HERC1: variants seen among roughly 807,000 people sequenced by gnomAD.
The protein encoded by HERC1 is HECT and RLD domain containing E3 ubiquitin protein ligase family member 1.
Under a neutral mutation model 554.3 loss-of-function variants are expected in HERC1, and 160 were observed. That is an observed-to-expected ratio of 0.29 (90% CI 0.25 to 0.33). The LOEUF is 0.33. Ranked by LOEUF, HERC1 falls within the 10% of genes least tolerant of loss-of-function variation. HERC1 has a pLI of 1.00. For synonymous variants in HERC1, 2,175 were observed against 2,131.7 expected (o/e 1.02, Z -0.56); for missense variants, 4,919 against 5,918.5 (o/e 0.83, Z 5.54).
intron 1 of HERC1, among the ~76,000 whole-genome samples, chr15:63,796,724 A>G (rs75781755): frequency 0.012 from 1,890 of 152,350 alleles, 36 homozygotes; most frequent in African/African-American, 0.044. Context: ...AACTTGAAGC[A>G]GAAGCTTTCA....
intron 1 of HERC1, among the ~76,000 whole-genome samples, chr15:63,776,873 T>C (rs188428800): frequency 2.1e-4 from 32 of 152,276 alleles, no homozygotes; most frequent in Admixed American, 1.2e-3. Context: ...GCATGTAAAT[T>C]TTGCCTCAAC....
Position 63,729,232 on chromosome 15 carries a change from T to C in HERC1, c.3154+4A>G. 1 of 1,593,202 alleles carries C rather than the reference T, an allele frequency of 6.3e-7. No individual in the cohort carries two copies. Among genetic ancestry groups the C allele is most frequent in the Non-Finnish European group, 8.5e-7 (1 of 1,173,710 alleles). On this transcript the variant is annotated splice_donor_region_variant and intron_variant, in intron 16 of 77. Transcript: ENST00000443617. The stretch of plus-strand genomic sequence containing the variant: ...TTAAATTTGAAATGAAATACCAAAC[T>C]CACCTCTTAATTTTTCTCCAACACT...
chr15:63,784,314 G>A (rs1016725613), intron 1 of HERC1, among the ~76,000 whole-genome samples: 4 of 151,932 alleles, frequency 2.6e-5, no homozygotes, highest in Admixed American at 2.6e-4. Context: ...AGAAAGTAGT[G>A]AAACCAAAAA....
intron 1 of HERC1, among the ~76,000 whole-genome samples, chr15:63,784,863 G>T (rs969869710): frequency 6.6e-6 from 1 of 152,080 alleles, no homozygotes; most frequent in South Asian, 2.1e-4. Context: ...AGCCCACCTC[G>T]GCCTCCCAAA....
At position 63,680,771 on chromosome 15, in the gene HERC1, A is replaced by G. The variant is rs1366817119; in HGVS notation, c.6231T>C (p.Tyr2077=). Residue 2077 remains tyrosine, a synonymous_variant, in exon 35 of 78, where the codon TAT becomes TAC. Coordinates refer to ENST00000443617, the MANE Select transcript of HERC1 (RefSeq NM_003922.4). This position sits in a 1 kb window ranked among gnomAD's most constrained non-coding sequence, Gnocchi z 5.8. ...VTSGCYQWKF[Y]IVKENRGNEG... ...CATTACCTCTGTTTTCCTTCACAAT[A>G]TAAAACTAAAATAAAAGTGGGATAT... The G allele has an allele frequency of 8.7e-6, 14 of 1,608,906 alleles. No individual in the cohort carries two copies. The Admixed American group carries it at 2.3e-4, about 27-fold the overall frequency.
At chr15:63,621,870 T>C (rs1256671892) in intron 74 of HERC1, among the ~76,000 whole-genome samples, 1 of 152,136 alleles carries the variant, frequency 6.6e-6, no homozygotes, top group Non-Finnish European at 1.5e-5. Flanking sequence ...TCTGCATTGG[T>C]TATTCTAGTT....
intron 38 of HERC1, among the ~76,000 whole-genome samples, chr15:63,673,249 TAAACA>T (rs1316303137): frequency 9.1e-6 from 1 of 110,422 alleles, no homozygotes; most frequent in African/African-American, 3.5e-5. Context: ...ATCCTACAAA[TAAACA>T]TAACTAAAAT....
chr15:63,687,059 C>A (rs997104402), intron 33 of HERC1, among the ~76,000 whole-genome samples: 24 of 152,154 alleles, frequency 1.6e-4, no homozygotes, highest in African/African-American at 5.8e-4. Flanking sequence ...GAAATCAAAT[C>A]ATGGAAAACC....
Position 63,634,891 on chromosome 15 carries a change from A to G in HERC1, c.12415-3T>C, listed in dbSNP as rs768916264. ...GAGTGCTTGAAGCCACAAGACATCT[A>G]AGACAGAACCAAGGAGAAAGAAAAT... On this transcript the variant is annotated splice_polypyrimidine_tract_variant and splice_region_variant and intron_variant, in intron 65 of 77. Coordinates refer to ENST00000443617, the MANE Select transcript of HERC1 (RefSeq NM_003922.4). The G allele has an allele frequency of 1.3e-6, 2 of 1,592,644 alleles. No homozygotes were observed. Among genetic ancestry groups the G allele is most frequent in the Non-Finnish European group, 1.7e-6 (2 of 1,173,624 alleles).
At chr15:63,687,571 AATTC>A (rs899346810) in intron 33 of HERC1, among the ~76,000 whole-genome samples, 1 of 151,966 alleles carries the variant, frequency 6.6e-6, no homozygotes, top group Non-Finnish European at 1.5e-5. Context: ...TGAGGGCCTG[AATTC>A]ATTCATTCAA....
chr15:63,656,450 A>T (rs2070041787), intron 48 of HERC1, 92 bp from the exon 49 acceptor site: 2 of 1,117,724 alleles, frequency 1.8e-6, no homozygotes, highest in Middle Eastern at 2.1e-4. Flanking sequence ...CAGCATCAAC[A>T]ACCATAATAA....
chr15:63,771,664 C>T (rs1487700153), intron 2 of HERC1, among the ~76,000 whole-genome samples: 1 of 151,984 alleles, frequency 6.6e-6, no homozygotes. Context: ...AACTCCTGAC[C>T]TCAGGTGATC....
At position 63,699,051 on chromosome 15, in the gene HERC1, C is replaced by T. The variant is rs2072580179; in HGVS notation, c.4637-55G>A. 2.0e-6 allele frequency: 3 copies of T among 1,477,294 alleles called. No individual in the cohort carries two copies. In the Admixed American group the frequency reaches 5.7e-5, roughly 28 times the overall value. 91.5% of individuals were successfully genotyped at this position (1,477,294 alleles called of 1,614,324 possible). On this transcript the variant is annotated intron_variant, in intron 25 of 77. Coordinates refer to ENST00000443617, the MANE Select transcript of HERC1 (RefSeq NM_003922.4). Reference sequence around the variant, plus strand: ...ATGGCAATCAAGTAGAGCATACATTCTGAAACTAGATAAGGCTGAGTGCTG... The same window carrying T: ...ATGGCAATCAAGTAGAGCATACATTTTGAAACTAGATAAGGCTGAGTGCTG...
chr15:63,697,371 G>A (rs117707716), intron 26 of HERC1, among the ~76,000 whole-genome samples: 2,010 of 151,602 alleles, frequency 0.013, 22 homozygotes, highest in Admixed American at 0.026. Context: ...TGGAATTATG[G>A]ATTTGGGGGA....
chr15:63,727,104 C>T lies in HERC1; in HGVS notation c.3346+543G>A, dbSNP rs749914507. ...CAGCCTGGCCAACATGGTGAAACCCCGTCTCTACTAAAAATACAAAAATTA... is the reference window on the plus strand; with the variant it reads ...CAGCCTGGCCAACATGGTGAAACCCTGTCTCTACTAAAAATACAAAAATTA... On this transcript the variant is annotated intron_variant, in intron 17 of 77. Coordinates refer to ENST00000443617, the MANE Select transcript of HERC1 (RefSeq NM_003922.4). This position sits in a 1 kb window ranked among gnomAD's most constrained non-coding sequence, Gnocchi z 4.3. 1.3e-5 allele frequency among the ~76,000 whole-genome samples: 2 copies of T among 151,884 alleles called. No homozygotes were observed. Among genetic ancestry groups the T allele is most frequent in the African/African-American group, 2.4e-5 (1 of 41,300 alleles).
At chr15:63,631,686 G>A (rs1004983244) in intron 68 of HERC1, among the ~76,000 whole-genome samples, 4 of 152,134 alleles carry the variant, frequency 2.6e-5, no homozygotes, top group East Asian at 1.9e-4. Context: ...GATTACAGGC[G>A]CCTGCCACCA....
rs772280944 is a variant in HERC1 at position 63,829,472 on chromosome 15, TTATATAAA to T, written c.-27+4347_-27+4354del. The stretch of plus-strand genomic sequence containing the variant: ...TGTGTGTGTGTGTGCACATATATGT[TTATATAAA>T]TATATATATATATATATATACACAC... On this transcript the variant is annotated intron_variant, in intron 1 of 77. Coordinates refer to ENST00000443617, the MANE Select transcript of HERC1 (RefSeq NM_003922.4). Among the ~76,000 whole-genome samples, 125 of 28,432 alleles carry T rather than the reference TTATATAAA, an allele frequency of 4.4e-3. 2 individuals are homozygous for T. The highest frequency in any genetic ancestry group is 0.015 in the African/African-American group (115 of 7,420). 18.7% of individuals were successfully genotyped at this position (28,432 alleles called of 152,430 possible). A position where few individuals can be genotyped will look rare whatever the true frequency, so the allele number is the denominator to read the frequency against.
rs1185543157 is a variant in HERC1, at chr15:63,638,796, T to C, written c.11902-20A>G. On this transcript the variant is annotated intron_variant, in intron 61 of 77. Transcript: ENST00000443617. Reference sequence around the variant, plus strand: ...GTTATCCTGAAAAACAGGGGGTACATAATGATCAATTCTGCTTAGGCAAGA... The same window carrying C: ...GTTATCCTGAAAAACAGGGGGTACACAATGATCAATTCTGCTTAGGCAAGA... The C allele has an allele frequency of 1.9e-6, 3 of 1,597,122 alleles. No individual in the cohort carries two copies. Among genetic ancestry groups the C allele is most frequent in the Non-Finnish European group, 2.6e-6 (3 of 1,164,556 alleles).
At chr15:63,811,229 T>A (rs1567151808) in intron 1 of HERC1, among the ~76,000 whole-genome samples, 1 of 152,274 alleles carries the variant, frequency 6.6e-6, no homozygotes, top group Admixed American at 6.5e-5. Context: ...GATAAAAGTA[T>A]TGTGGTTAAG....
Sources: gnomAD v4.1 joint callset for allele counts (sites outside exome capture counted in the v4.1 genomes callset) on GRCh38, gnomAD v4.1.1 for gene constraint, Gnocchi (gnomAD v3.1) non-coding constraint, MANE v1.5 for transcripts, NCBI Gene and HGNC (gene_info 2026-07-23, HGNC 2026-07-21) for gene names.